HAS2: variants seen among roughly 807,000 people sequenced by gnomAD.
HAS2 encodes HA synthase 2.
Under a neutral mutation model 51.6 loss-of-function variants are expected in HAS2, and 16 were observed. That is an observed-to-expected ratio of 0.31 (90% CI 0.21 to 0.47). HAS2 has a LOEUF of 0.47. Ranked by LOEUF, HAS2 falls within the 20% of genes least tolerant of loss-of-function variation. HAS2 has a pLI of 1.00. For synonymous variants in HAS2, 228 were observed against 235.5 expected, an observed-to-expected ratio of 0.97 and a Z score of 0.29; for missense variants, 361 against 662.6, an observed-to-expected ratio of 0.54 and a Z score of 5.00.
chr8:121,628,594 G>A (rs1419832336), intron 2 of HAS2, 120 bp downstream of exon 2: 1 of 874,802 alleles, frequency 1.1e-6, no homozygotes, highest in African/African-American at 1.7e-5. Context: ...GTTTTCAAAT[G>A]AACTGAAAGA....
intron 2 of HAS2, among the ~76,000 whole-genome samples, chr8:121,618,394 G>T (rs996802071): frequency 6.6e-6 from 1 of 152,068 alleles, no homozygotes; most frequent in African/African-American, 2.4e-5. Context: ...TCCTGGGGGG[G>T]TGCCCACTCC....
chr8:121,634,298 G>A (rs1410898708), intron 1 of HAS2, among the ~76,000 whole-genome samples: 1 of 152,058 alleles, frequency 6.6e-6, no homozygotes, highest in African/African-American at 2.4e-5. Context: ...GGAAGAAGCT[G>A]AAATGAATTC....
At position 121,614,140 on chromosome 8, in the gene HAS2, C is replaced by G. The variant is rs749839961; in HGVS notation, c.1628G>C (p.Gly543Ala). 1.2e-6 allele frequency: 2 copies of G among 1,614,058 alleles called. No individual in the cohort carries two copies. The highest frequency in any genetic ancestry group is 4.5e-5 in the East Asian group (2 of 44,874). The change falls in exon 4 of 4, where the codon GGA (glycine) becomes GCA (alanine). Residue 543 changes from glycine to alanine, a missense_variant. Coordinates refer to ENST00000303924, the MANE Select transcript of HAS2 (RefSeq NM_005328.3). The surrounding 1 kb of genome is among the most constrained non-coding windows in gnomAD (Gnocchi z 7.2). ...LINKCGRRKK[G>A]QQYDMVLDV The stretch of plus-strand genomic sequence containing the variant: ...ATCAAGCACCATGTCATATTGTTGT[C>G]CCTTCTTCCGCCTGCCACACTTATT...
intron 2 of HAS2, among the ~76,000 whole-genome samples, chr8:121,624,945 A>G (rs1436225684): frequency 2.0e-5 from 3 of 152,044 alleles, no homozygotes; most frequent in African/African-American, 7.2e-5. Context: ...AATACAAAAA[A>G]AAATTAGCCA....
intron 1 of HAS2, among the ~76,000 whole-genome samples, chr8:121,635,174 G>T (rs1812992635): frequency 1.3e-5 from 2 of 152,202 alleles, no homozygotes; most frequent in African/African-American, 4.8e-5. Context: ...CAATTTCAGA[G>T]AATTTGACCT....
rs868060288 is a variant in HAS2, at chr8:121,641,113, A to T, written c.-261T>A. The T allele has an allele frequency of 6.7e-5, 10 of 148,758 alleles. No homozygotes were observed. In the East Asian group the frequency reaches 1.8e-3, roughly 26 times the overall value. 9.2% of individuals were successfully genotyped at this position (148,758 alleles called of 1,614,324 possible). A position where few individuals can be genotyped will look rare whatever the true frequency, so the allele number is the denominator to read the frequency against. ...GCACTTCAGTCTAATTCTTAAAAAAATTATGCTTTAAAAATAAATTAACTT... is the reference window on the plus strand; with the variant it reads ...GCACTTCAGTCTAATTCTTAAAAAATTTATGCTTTAAAAATAAATTAACTT... On this transcript the variant is annotated 5_prime_UTR_variant, in exon 1 of 4. Coordinates refer to ENST00000303924, the MANE Select transcript of HAS2 (RefSeq NM_005328.3).
chr8:121,640,443 GT>G (rs770941197), intron 1 of HAS2, among the ~76,000 whole-genome samples: 135 of 151,708 alleles, frequency 8.9e-4, no homozygotes, highest in Middle Eastern at 3.4e-3. Context: ...GTGTGTGTGT[GT>G]GGGAAAAAAA....
At position 121,614,564 on chromosome 8, in the gene HAS2, T is replaced by C; in HGVS notation, c.1204A>G (p.Lys402Glu). ...AAGAAGAGGAGAATGTTCCAAATTT[T>C]ACCCCGGTAGAAGAGCTGGATTACT... ...ATVIQLFYRGKIWNILLFLLT... is the reference protein window; with the variant it reads ...ATVIQLFYRGEIWNILLFLLT... Residue 402 changes from lysine (K) to glutamate (E), a missense_variant, in exon 4 of 4, where the codon AAA becomes GAA. Physicochemically the swap from Lys to Glu is moderately conservative, Grantham distance 56. Transcript: ENST00000303924. The surrounding 1 kb of genome is among the most constrained non-coding windows in gnomAD (Gnocchi z 7.2). 1 of 1,614,112 alleles carries C rather than the reference T, an allele frequency of 6.2e-7. No individual in the cohort carries two copies. Among genetic ancestry groups the C allele is most frequent in the Non-Finnish European group, 8.5e-7 (1 of 1,179,970 alleles).
chr8:121,628,808 T>G lies in HAS2; in HGVS notation c.533A>C (p.Asn178Thr), dbSNP rs557486178. The G allele has an allele frequency of 6.2e-7, 1 of 1,614,166 alleles. No homozygotes were observed. The highest frequency in any genetic ancestry group is 2.2e-5 in the East Asian group (1 of 44,880). ...TTTTTGCATGATGCAGATACTTTTGTTGGACAAGACCAATTGCGTTACGTG... is the reference window on the plus strand; with the variant it reads ...TTTTTGCATGATGCAGATACTTTTGGTGGACAAGACCAATTGCGTTACGTG... ...SQHVTQLVLSNKSICIMQKWG... is the reference protein window; with the variant it reads ...SQHVTQLVLSTKSICIMQKWG... The change falls in exon 2 of 4, where the codon AAC becomes ACC. Residue 178 changes from asparagine to threonine, a missense_variant. Asn to Thr is a moderately conservative substitution (Grantham distance 65). This residue lies in a region of HAS2 where 145 missense variants were observed against 217.6 expected (regional missense o/e 0.67). Transcript: ENST00000303924.
intron 2 of HAS2, among the ~76,000 whole-genome samples, chr8:121,627,874 T>G (rs1393939503): frequency 6.6e-6 from 1 of 152,086 alleles, no homozygotes; most frequent in African/African-American, 2.4e-5. Flanking sequence ...ATTTTTCCCC[T>G]CTCAATACCA....
At chr8:121,629,439 G>A in intron 1 of HAS2, 99 bp from the exon 2 acceptor site, 1 of 988,124 alleles carries the variant, frequency 1.0e-6, no homozygotes, top group South Asian at 1.6e-5. Context: ...GAAGCATTCA[G>A]GAGTTTTAAC....
chr8:121,614,238 T>G lies in HAS2; in HGVS notation c.1530A>C (p.Thr510=). 3.7e-6 allele frequency: 6 copies of G among 1,614,148 alleles called. No individual in the cohort carries two copies. The South Asian group carries it at 5.5e-5, about 15-fold the overall frequency. The change falls in exon 4 of 4, where the codon ACA becomes ACC. Residue 510 remains threonine (T), a synonymous_variant. Transcript: ENST00000303924. This position sits in a 1 kb window ranked among gnomAD's most constrained non-coding sequence, Gnocchi z 7.2. The part of the protein sequence containing the change: ...SKRPFSESKQ[T]VLIVGTLLYA... The stretch of plus-strand genomic sequence containing the variant: ...AGAGCAACGTTCCAACAATTAGAAC[T>G]GTCTGTTTGGATTCTGAAAATGGCC...
chr8:121,614,145 C>T lies in HAS2; in HGVS notation c.1623G>A (p.Lys541=), dbSNP rs769118259. The T allele has an allele frequency of 1.5e-5, 25 of 1,614,044 alleles. No individual in the cohort carries two copies. Among genetic ancestry groups the T allele is most frequent in the Non-Finnish European group, 1.9e-5 (23 of 1,180,020 alleles). Residue 541 remains lysine (K), a synonymous_variant, in exon 4 of 4, where the codon AAG becomes AAA. Coordinates refer to ENST00000303924, the MANE Select transcript of HAS2 (RefSeq NM_005328.3). This position sits in a 1 kb window ranked among gnomAD's most constrained non-coding sequence, Gnocchi z 7.2. ...GCACCATGTCATATTGTTGTCCCTT[C>T]TTCCGCCTGCCACACTTATTGATGA... is the stretch of plus-strand genomic sequence containing the variant. ...VVLINKCGRR[K]KGQQYDMVLD... is the part of the protein sequence containing the mutation.
chr8:121,614,628 C>A lies in HAS2; in HGVS notation c.1140G>T (p.Ala380=), dbSNP rs35989566. 1 of 1,613,982 alleles carries A rather than the reference C, an allele frequency of 6.2e-7. No homozygotes were observed. The highest frequency in any genetic ancestry group is 8.5e-7 in the Non-Finnish European group (1 of 1,179,898). The change falls in exon 4 of 4, where the codon GCG becomes GCT. Residue 380 remains alanine (A), a synonymous_variant. Coordinates refer to ENST00000303924, the MANE Select transcript of HAS2 (RefSeq NM_005328.3). This position sits in a 1 kb window ranked among gnomAD's most constrained non-coding sequence, Gnocchi z 7.2. Reference sequence around the variant, plus strand: ...AGAAAGGAAAGAATCCAGTGATAATCGCTTCGTAGGTCATCCACAAGTGAT... The same window carrying A: ...AGAAAGGAAAGAATCCAGTGATAATAGCTTCGTAGGTCATCCACAAGTGAT... ...HKHHLWMTYE[A]IITGFFPFFL...
Position 121,641,322 on chromosome 8 carries a change from T to G in HAS2, c.-470A>C, listed in dbSNP as rs1813102277. The G allele has an allele frequency of 6.7e-6, 1 of 150,322 alleles. No homozygotes were observed. The highest frequency in any genetic ancestry group is 6.6e-5 in the Admixed American group (1 of 15,090). 9.3% of individuals were successfully genotyped at this position (150,322 alleles called of 1,614,324 possible). A position where few individuals can be genotyped will look rare whatever the true frequency, so the allele number is the denominator to read the frequency against. On this transcript the variant is annotated 5_prime_UTR_variant, in exon 1 of 4. Coordinates refer to ENST00000303924, the MANE Select transcript of HAS2 (RefSeq NM_005328.3). ...GAGAAAAGTCTTTGGCTGGGGCTGT[T>G]TCAAGTCTCTGGTTCAATGGGCTGC...
chr8:121,632,366 T>C (rs1812945624), intron 1 of HAS2, among the ~76,000 whole-genome samples: 1 of 152,190 alleles, frequency 6.6e-6, no homozygotes, highest in Admixed American at 6.5e-5. Flanking sequence ...TATGACTGTA[T>C]AGTTAAATTG....
At chr8:121,620,625 AC>A (rs1265517306) in intron 2 of HAS2, among the ~76,000 whole-genome samples, 3 of 152,234 alleles carry the variant, frequency 2.0e-5, no homozygotes, top group Non-Finnish European at 4.4e-5. Context: ...TGTCAAGAAG[AC>A]ATTATTTAGA....
chr8:121,618,042 AC>A (rs1470534387), intron 2 of HAS2, among the ~76,000 whole-genome samples: 1 of 151,972 alleles, frequency 6.6e-6, no homozygotes, highest in Non-Finnish European at 1.5e-5. Flanking sequence ...ACCAACCACA[AC>A]TTCAAGAAAA....
intron 2 of HAS2, among the ~76,000 whole-genome samples, chr8:121,624,077 T>C (rs1812810886): frequency 1.3e-5 from 2 of 152,206 alleles, no homozygotes; most frequent in African/African-American, 4.8e-5. Context: ...TATCTGTGCT[T>C]CTGTTTATAT....
Sources: gnomAD v4.1 joint callset for allele counts (sites outside exome capture counted in the v4.1 genomes callset) on GRCh38, gnomAD v4.1.1 for gene constraint, gnomAD v4.1.1 regional missense constraint, Gnocchi (gnomAD v3.1) non-coding constraint, MANE v1.5 for transcripts, NCBI Gene and HGNC (gene_info 2026-07-23, HGNC 2026-07-21) for gene names.